Variants in METTL13 observed in about 807,000 individuals in gnomAD.
METTL13 encodes methyltransferase 13, eEF1A N-terminus and K55.
Under a neutral mutation model 67.4 loss-of-function variants are expected in METTL13, and 52 were observed. The ratio of observed to expected loss-of-function variants is 0.77; its 90% CI spans 0.62 to 0.97. The LOEUF (loss-of-function observed/expected upper bound fraction) is 0.97, where lower values mean the gene tolerates loss of function less well. Among genes scored for constraint, METTL13 ranks in the 50% least tolerant of loss-of-function variants. The probability of loss-of-function intolerance (pLI) is 0.00; values close to 1 mark genes in which losing one functional copy is unlikely to be tolerated. For synonymous variants in METTL13, 354 were observed against 353.6 expected (o/e 1.00, Z -0.01); for missense variants, 825 against 889.6 (o/e 0.93, Z 0.92).
intron 7 of METTL13, among the ~76,000 whole-genome samples, chr1:171,795,289 T>G (rs919914382): frequency 4.6e-5 from 7 of 152,238 alleles, no homozygotes; most frequent in African/African-American, 1.7e-4. Context: ...TTGTTTCCTG[T>G]GTGGGTCTAT....
chr1:171,785,776 G>T (rs1656986783), intron 2 of METTL13, 103 bp from the exon 3 acceptor site: 2 of 1,183,174 alleles, frequency 1.7e-6, no homozygotes, highest in Non-Finnish European at 2.4e-6. Context: ...AGTTGGGGAA[G>T]ATGCTGGTCT....
chr1:171,785,804 C>A (rs1656987709), intron 2 of METTL13, 75 bp from the exon 3 acceptor site: 1 of 1,484,846 alleles, frequency 6.7e-7, no homozygotes, highest in Non-Finnish European at 9.2e-7. Context: ...GGACTGGCTC[C>A]CTGCCGTTTG....
chr1:171,782,817 C>G (rs2124895327), intron 1 of METTL13, among the ~76,000 whole-genome samples: 1 of 152,264 alleles, frequency 6.6e-6, no homozygotes, highest in South Asian at 2.1e-4. Context: ...AAGACGTAAA[C>G]CCTGCACATG....
At chr1:171,790,396 C>T in intron 4 of METTL13, 56 bp from the exon 5 acceptor site, 2 of 1,427,194 alleles carry the variant, frequency 1.4e-6, no homozygotes, top group Non-Finnish European at 1.8e-6. Flanking sequence ...CTGCCAGTAA[C>T]CCTTGCTTCC....
At position 171,797,322 on chromosome 1, in the gene METTL13, C is replaced by G. The variant is rs2029866155; in HGVS notation, c.*566C>G. ...TCTGCTTACCCACTTCATTATTTGA[C>G]AGCTTTCCTTGGTGACCCAAACCTT... is the stretch of plus-strand genomic sequence containing the variant. On this transcript the variant is annotated 3_prime_UTR_variant, in exon 8 of 8. Coordinates refer to ENST00000361735, the MANE Select transcript of METTL13 (RefSeq NM_015935.5). 6.5e-6 allele frequency: 1 copy of G among 153,200 alleles called. No homozygotes were observed. The highest frequency in any genetic ancestry group is 1.5e-5 in the Non-Finnish European group (1 of 68,844). The allele number at this position is 153,200 out of a possible 1,614,324, so 9.5% of individuals were successfully genotyped here.
At chr1:171,782,318 C>T (rs187467632) in intron 1 of METTL13, among the ~76,000 whole-genome samples, 198 bp downstream of exon 1, 154 of 152,158 alleles carry the variant, frequency 1.0e-3, no homozygotes, top group African/African-American at 3.5e-3. Flanking sequence ...CACCTGTAAT[C>T]CGAACACTTT....
chr1:171,796,549 G>A lies in METTL13; in HGVS notation c.1893G>A (p.Lys631=). Residue 631 remains lysine (K), a synonymous_variant, in exon 8 of 8, where the codon AAG becomes AAA. Coordinates refer to ENST00000361735, the MANE Select transcript of METTL13 (RefSeq NM_015935.5). ...AAGACTCAGTGCTGGCTGGGCTCAAGGCAGTGTTCCCCCTCCTATATGTCC... is the reference window on the plus strand; with the variant it reads ...AAGACTCAGTGCTGGCTGGGCTCAAAGCAGTGTTCCCCCTCCTATATGTCC... ...GLKDSVLAGL[K]AVFPLLYVRR... The A allele has an allele frequency of 6.2e-7, 1 of 1,614,198 alleles. No homozygotes were observed. Among genetic ancestry groups the A allele is most frequent in the East Asian group, 2.2e-5 (1 of 44,872 alleles).
chr1:171,791,722 C>T (rs1490738548), intron 5 of METTL13, among the ~76,000 whole-genome samples: 1 of 152,158 alleles, frequency 6.6e-6, no homozygotes, highest in African/African-American at 2.4e-5. Flanking sequence ...CCTCGGCCTC[C>T]CAAAGTGCTG....
At chr1:171,787,672 T>C in intron 3 of METTL13, 63 bp from the exon 4 acceptor site, 1 of 1,475,236 alleles carries the variant, frequency 6.8e-7, no homozygotes, top group South Asian at 1.2e-5. Context: ...GGGAAGGGGT[T>C]ATAATTTCTC....
At chr1:171,792,343 G>A (rs1005240804) in intron 6 of METTL13, 108 bp downstream of exon 6, 45 of 1,228,700 alleles carry the variant, frequency 3.7e-5, no homozygotes, top group Non-Finnish European at 4.0e-5. Context: ...CATGAGTATC[G>A]TTCCAGTCTT....
chr1:171,794,424 T>G lies in METTL13; in HGVS notation c.1722T>G (p.Phe574Leu), dbSNP rs1160474582. The part of the protein sequence containing the change: ...EARPCYDVIM[F>L]DVDSKDPTLG... Reference sequence around the variant, plus strand: ...GGCCTTGCTACGATGTCATAATGTTTGATGTTGACAGTAAGGACCCAACAC... The same window carrying G: ...GGCCTTGCTACGATGTCATAATGTTGGATGTTGACAGTAAGGACCCAACAC... The change falls in exon 7 of 8, where the codon TTT becomes TTG. Residue 574 changes from phenylalanine (F) to leucine (L), a missense_variant. Physicochemically the swap from Phe to Leu is conservative, Grantham distance 22 (BLOSUM62 0). Transcript: ENST00000361735. 1.2e-6 allele frequency: 2 copies of G among 1,614,116 alleles called. No homozygotes were observed. Among genetic ancestry groups the G allele is most frequent in the Non-Finnish European group, 1.7e-6 (2 of 1,180,052 alleles).
rs187227664 is a variant in METTL13, at chr1:171,787,977, G to C, written c.1309+47G>C. 144 of 1,593,996 alleles carry C rather than the reference G, an allele frequency of 9.0e-5. 1 individual carries two copies. The African/African-American group carries it at 1.7e-3, about 19-fold the overall frequency. On this transcript the variant is annotated intron_variant, in intron 4 of 7. Transcript: ENST00000361735. Reference sequence around the variant, plus strand: ...GGTGGGACCCAAGTGGCCGTGGCATGGACTAGATTTCTTGGGAGCTTGGCC... The same window carrying C: ...GGTGGGACCCAAGTGGCCGTGGCATCGACTAGATTTCTTGGGAGCTTGGCC...
At chr1:171,791,924 A>C in intron 5 of METTL13, 93 bp from the exon 6 acceptor site, 3 of 1,286,974 alleles carry the variant, frequency 2.3e-6, no homozygotes, top group Non-Finnish European at 3.3e-6. Context: ...GAATGGAGAC[A>C]GTGAGCTGAC....
intron 5 of METTL13, chr1:171,790,850 G>A: frequency 2.7e-6 from 1 of 374,304 alleles, no homozygotes; most frequent in Non-Finnish European, 4.6e-6. Flanking sequence ...TATTTTTTCT[G>A]TTCATTTCTT....
intron 6 of METTL13, 132 bp from the exon 7 acceptor site, chr1:171,794,264 C>A: frequency 7.4e-7 from 1 of 1,359,978 alleles, no homozygotes; most frequent in East Asian, 2.4e-5. Flanking sequence ...TACAGGCAAA[C>A]CACATCCTCT....
In METTL13 at chr1:171,784,286, G is replaced by A. The variant is rs778251374; in HGVS notation, c.700G>A (p.Val234Met). 2.3e-5 allele frequency: 37 copies of A among 1,612,762 alleles called. No homozygotes were observed. Among genetic ancestry groups the A allele is most frequent in the Admixed American group, 3.3e-5 (2 of 59,972 alleles). The change falls in exon 2 of 8, where the codon GTG becomes ATG. Residue 234 changes from valine (V) to methionine (M), a missense_variant. Val to Met is a conservative substitution (Grantham distance 21). Transcript: ENST00000361735. ...GTGTGCTCAGGAGCAGCGCAAGCCT[G>A]TGCGGCTGGAGAGTGCCGAGCGGCT... ...ELCAQEQRKPVRLESAERLAE... is the reference protein window; with the variant it reads ...ELCAQEQRKPMRLESAERLAE...
chr1:171,786,071 A>G lies in METTL13; in HGVS notation c.1106A>G (p.Gln369Arg). ...CTGGCCCCAGCTGGGATGCCCACCC[A>G]GCAGCAGGTAACAAAGCTTTCGTAC... is the stretch of plus-strand genomic sequence containing the variant. ...MELAPAGMPT[Q>R]QQVPFLSVGG... Residue 369 changes from glutamine to arginine, a missense_variant, in exon 3 of 8, where the codon CAG becomes CGG. Coordinates refer to ENST00000361735, the MANE Select transcript of METTL13 (RefSeq NM_015935.5). 1 of 1,612,480 alleles carries G rather than the reference A, an allele frequency of 6.2e-7. No homozygotes were observed. Among genetic ancestry groups the G allele is most frequent in the Non-Finnish European group, 8.5e-7 (1 of 1,179,162 alleles).
chr1:171,794,298 C>A (rs1269889863), intron 6 of METTL13, 98 bp from the exon 7 acceptor site: 1 of 1,541,672 alleles, frequency 6.5e-7, no homozygotes, highest in Non-Finnish European at 8.9e-7. Context: ...AACTTAGTCA[C>A]CATGCCCACC....
At chr1:171,783,404 A>G (rs569998659) in intron 1 of METTL13, among the ~76,000 whole-genome samples, 1 of 152,334 alleles carries the variant, frequency 6.6e-6, no homozygotes, top group African/African-American at 2.4e-5. Context: ...TTTCAACTGT[A>G]ACTCTATATT....
Sources: allele counts gnomAD v4.1 joint callset (sites outside exome capture counted in the v4.1 genomes callset), GRCh38; gene constraint gnomAD v4.1.1; transcripts MANE v1.5; gene names NCBI Gene and HGNC (gene_info 2026-07-23, HGNC 2026-07-21).